Variants in TASP1 observed in about 807,000 individuals in gnomAD.
TASP1 encodes taspase 1.
Under a neutral mutation model 56.6 loss-of-function variants are expected in TASP1, and 16 were observed. The observed-to-expected ratio is 0.28, with a 90% CI of 0.19 to 0.43. The LOEUF (loss-of-function observed/expected upper bound fraction) is 0.43. TASP1 is among the 20% of genes least tolerant of loss of function. The pLI is 1.00. For synonymous variants in TASP1, 179 were observed against 184.2 expected (o/e 0.97, Z 0.23); for missense variants, 393 against 511.6 (o/e 0.77, Z 2.24).
At chr20:13,282,375 G>C in the TASP1 span, among the ~76,000 whole-genome samples, 1 of 152,198 alleles carries the variant, frequency 6.6e-6, no homozygotes, top group African/African-American at 2.4e-5. Flanking sequence ...AAGGTCACCA[G>C]ATGATTCTCT....
chr20:13,107,893 C>T, the TASP1 span, among the ~76,000 whole-genome samples: 2 of 151,020 alleles, frequency 1.3e-5, no homozygotes, highest in African/African-American at 4.9e-5. Context: ...AGAATTATTC[C>T]CTTAATTCTT....
In TASP1 at chr20:13,465,634, C is replaced by A. The variant is rs185092900; in HGVS notation, c.985+17593G>T. ...TCAACAAATTATGGTGTGTCCACAC[C>A]AGGGAATACCACTCAGTAATAAAAA... On this transcript the variant is annotated intron_variant, in intron 11 of 13. Transcript: ENST00000337743. 7.7e-4 allele frequency among the ~76,000 whole-genome samples: 117 copies of A among 152,066 alleles called. 1 individual carries two copies. The East Asian group carries it at 0.02, about 26-fold the overall frequency.
At chr20:13,279,904 T>A in the TASP1 span, 1 of 1,612,430 alleles carries the variant, frequency 6.2e-7, no homozygotes, top group Non-Finnish European at 8.5e-7. Flanking sequence ...ATATGGTGAG[T>A]TTACCACCTA....
At chr20:13,201,813 G>A in the TASP1 span, among the ~76,000 whole-genome samples, 1 of 151,348 alleles carries the variant, frequency 6.6e-6, no homozygotes, top group African/African-American at 2.4e-5. Flanking sequence ...GAGTGCAGTG[G>A]TGCCATCTCG....
chr20:13,122,140 G>C, the TASP1 span, among the ~76,000 whole-genome samples: 1 of 152,164 alleles, frequency 6.6e-6, no homozygotes, highest in African/African-American at 2.4e-5. Flanking sequence ...AAACCCGTCT[G>C]TTTTCCATTA....
chr20:13,228,964 A>T, the TASP1 span, among the ~76,000 whole-genome samples: 1 of 152,164 alleles, frequency 6.6e-6, no homozygotes, highest in African/African-American at 2.4e-5. Context: ...CAAATGTCAA[A>T]CTCAACCACT....
At chr20:13,367,121 T>G in the TASP1 span, among the ~76,000 whole-genome samples, 2 of 152,222 alleles carry the variant, frequency 1.3e-5, no homozygotes, top group African/African-American at 4.8e-5. Flanking sequence ...CAGCCTATAT[T>G]ACTCAACATC....
chr20:13,221,128 T>A, the TASP1 span, among the ~76,000 whole-genome samples: 1 of 151,562 alleles, frequency 6.6e-6, no homozygotes, highest in African/African-American at 2.4e-5. Context: ...CGGAGAGTAG[T>A]GGAGGTGGCT....
chr20:13,197,674 C>T, the TASP1 span, among the ~76,000 whole-genome samples: 2 of 152,128 alleles, frequency 1.3e-5, no homozygotes, highest in Non-Finnish European at 2.9e-5. Flanking sequence ...AGCCAGCAGC[C>T]AGGGGTTGGG....
chr20:13,514,536 G>A (rs1193466672), intron 10 of TASP1, among the ~76,000 whole-genome samples: 1 of 152,158 alleles, frequency 6.6e-6, no homozygotes, highest in East Asian at 1.9e-4. Context: ...TCAAGCTGAA[G>A]TCTGATTCCA....
chr20:13,580,800 C>T (rs931223829), intron 6 of TASP1, 97 bp downstream of exon 6: 2 of 1,199,790 alleles, frequency 1.7e-6, no homozygotes, highest in East Asian at 2.4e-5. Context: ...GTCTTCTTCG[C>T]AAAGGCATGC....
chr20:13,115,318 C>G, the TASP1 span, among the ~76,000 whole-genome samples: 1 of 151,972 alleles, frequency 6.6e-6, no homozygotes, highest in Non-Finnish European at 1.5e-5. Context: ...CTGTGTGTGC[C>G]CTGCATTAAC....
the TASP1 span, among the ~76,000 whole-genome samples, chr20:13,312,587 G>T: frequency 3.7e-3 from 560 of 152,244 alleles, 1 homozygote; most frequent in Non-Finnish European, 6.3e-3. Flanking sequence ...CTAATGAGTC[G>T]CAGCCTGCTG....
chr20:13,461,320 C>A (rs1568832006), intron 11 of TASP1, among the ~76,000 whole-genome samples: 1 of 152,168 alleles, frequency 6.6e-6, no homozygotes, highest in African/African-American at 2.4e-5. Context: ...ATATGATAGA[C>A]TAAGTTTTAC....
the TASP1 span, among the ~76,000 whole-genome samples, chr20:13,146,426 T>A: frequency 2.5e-3 from 387 of 152,098 alleles, no homozygotes; most frequent in Non-Finnish European, 4.4e-3. Flanking sequence ...AAACCTAAAA[T>A]TAAAATTAAA....
chr20:13,301,768 A>G, the TASP1 span, among the ~76,000 whole-genome samples: 16 of 152,142 alleles, frequency 1.1e-4, no homozygotes, highest in Admixed American at 1.0e-3. Context: ...CTGTCAGGAC[A>G]GGTATTCAAG....
At chr20:13,368,465 T>TAA in the TASP1 span, 2 of 152,198 alleles carry the variant, frequency 1.3e-5, no homozygotes, top group Admixed American at 6.5e-5. Flanking sequence ...ACATCAAAAA[T>TAA]AAAACCACTT....
In TASP1 at chr20:13,389,622, A is replaced by G. The variant is rs1441490837; in HGVS notation, c.*738T>C. The G allele has an allele frequency of 6.6e-6, 1 of 152,654 alleles. No homozygotes were observed. Among genetic ancestry groups the G allele is most frequent in the Non-Finnish European group, 1.5e-5 (1 of 68,054 alleles). 9.5% of individuals were successfully genotyped at this position (152,654 alleles called of 1,614,324 possible). A position where few individuals can be genotyped will look rare whatever the true frequency, so the allele number is the denominator to read the frequency against. Reference sequence around the variant, plus strand: ...GTGCATTACTGTATGTTCTCTTTACATATTCTTTCATAATATAGTCCATAC... The same window carrying G: ...GTGCATTACTGTATGTTCTCTTTACGTATTCTTTCATAATATAGTCCATAC... On this transcript the variant is annotated 3_prime_UTR_variant, in exon 14 of 14. Transcript: ENST00000337743.
At chr20:13,265,281 C>CA in the TASP1 span, among the ~76,000 whole-genome samples, 1 of 152,166 alleles carries the variant, frequency 6.6e-6, no homozygotes, top group Non-Finnish European at 1.5e-5. Flanking sequence ...TATTTCAGTT[C>CA]AAACATTGCT....
Sources: allele counts gnomAD v4.1 joint callset (sites outside exome capture counted in the v4.1 genomes callset), GRCh38; gene constraint gnomAD v4.1.1; transcripts MANE v1.5; gene names NCBI Gene and HGNC (gene_info 2026-07-23, HGNC 2026-07-21).